Variants in TOP3B observed in about 807,000 individuals in gnomAD.
TOP3B encodes DNA topoisomerase 3-beta-1.
In TOP3B, 45 loss-of-function variants were observed where a neutral mutation model predicts 93.9. The ratio of observed to expected loss-of-function variants is 0.48; its 90% CI spans 0.38 to 0.61. The LOEUF (loss-of-function observed/expected upper bound fraction) is 0.61, where lower values mean the gene tolerates loss of function less well. Ranked by LOEUF, TOP3B falls within the 20% of genes least tolerant of loss-of-function variation. The pLI, the probability that TOP3B is intolerant of heterozygous loss-of-function variation, is 0.00. For synonymous variants in TOP3B, 357 were observed against 472.6 expected, an observed-to-expected ratio of 0.76 and a Z score of 3.17; for missense variants, 750 against 1,156.1, an observed-to-expected ratio of 0.65 and a Z score of 5.09.
At chr22:21,975,348 G>A in intron 2 of TOP3B, 2 of 294,010 alleles carry the variant, frequency 6.8e-6, no homozygotes, top group Non-Finnish European at 1.3e-5. Flanking sequence ...TCCTTCCAGG[G>A]CTGGTTTCTA....
At chr22:21,976,825 G>C (rs910058244) in intron 1 of TOP3B, 1 of 151,850 alleles carries the variant, frequency 6.6e-6, no homozygotes, top group East Asian at 1.9e-4. Flanking sequence ...TAGCACTGAT[G>C]TTTATAAACA....
chr22:21,958,215 C>T (rs1336217660), intron 17 of TOP3B: 1 of 1,321,346 alleles, frequency 7.6e-7, no homozygotes, highest in African/African-American at 1.5e-5. Context: ...CATCCTCTTG[C>T]TCACTCAGCT....
intron 2 of TOP3B, chr22:21,975,400 A>G (rs1197651234): frequency 1.6e-5 from 7 of 443,186 alleles, no homozygotes; most frequent in Non-Finnish European, 2.4e-5. Context: ...GCATATGGAT[A>G]ATGACTGTCC....
rs2071674439 is a variant in TOP3B, at chr22:21,972,360, C to T, written c.309+252G>A. ...TGTTTTAAAATTAAGGAGAAAAACC[C>T]CCCGACCAAACAAGCTATTTTAAAA... On this transcript the variant is annotated intron_variant, in intron 4 of 17. Coordinates refer to ENST00000357179, the MANE Select transcript of TOP3B (RefSeq NM_001282112.2). 14 of 476,050 alleles carry T rather than the reference C, an allele frequency of 2.9e-5. No homozygotes were observed. The South Asian group carries it at 5.0e-4, about 17-fold the overall frequency. 29.5% of individuals were successfully genotyped at this position (476,050 alleles called of 1,614,324 possible).
intron 17 of TOP3B, chr22:21,957,827 C>G (rs2070986605): frequency 2.0e-6 from 3 of 1,532,700 alleles, no homozygotes; most frequent in East Asian, 4.9e-5. Flanking sequence ...GGCACCATCC[C>G]AGTGGGTTTC....
intron 15 of TOP3B, 32 bp from the exon 16 acceptor site, chr22:21,959,264 C>A (rs760648357): frequency 1.2e-6 from 2 of 1,607,868 alleles, no homozygotes; most frequent in South Asian, 1.1e-5. Flanking sequence ...GAGTCATCTC[C>A]CTCCCAGTCC....
intron 1 of TOP3B, among the ~76,000 whole-genome samples, chr22:21,978,437 C>T (rs1382953172): frequency 6.6e-6 from 1 of 152,176 alleles, no homozygotes; most frequent in East Asian, 1.9e-4. Flanking sequence ...AGGAACAACC[C>T]ATGGCTTTGG....
chr22:21,972,208 A>G, intron 4 of TOP3B: 1 of 503,072 alleles, frequency 2.0e-6, no homozygotes. Flanking sequence ...AAAACTGCCC[A>G]GAAGAAGGGT....
Position 21,959,151 on chromosome 22 carries a change from C to A in TOP3B, c.1886G>T (p.Arg629Leu). 2 of 1,613,828 alleles carry A rather than the reference C, an allele frequency of 1.2e-6. No individual in the cohort carries two copies. The highest frequency in any genetic ancestry group is 1.7e-6 in the Non-Finnish European group (2 of 1,180,000). Residue 629 changes from arginine (R) to leucine (L), a missense_variant, in exon 16 of 18, where the codon CGC becomes CTC. Arg to Leu is a moderately radical substitution (Grantham distance 102, BLOSUM62 -2). This residue lies in a region of TOP3B where 737 missense variants were observed against 933.7 expected (regional missense o/e 0.79). Transcript: ENST00000357179. ...ACCTACCTGGATGTACTTCATGAAG[C>A]GGTGGCACTTCCCACAGCGTGAGAG... ...KPLSRCGKCH[R>L]FMKYIQAKPS...
Position 21,958,594 on chromosome 22 carries a change from C to T in TOP3B, c.2005G>A (p.Asp669Asn), listed in dbSNP as rs758397988. The change falls in exon 17 of 18, where the codon GAT becomes AAT. Residue 669 changes from aspartate (D) to asparagine (N), a missense_variant. This residue lies in a region of TOP3B where 737 missense variants were observed against 933.7 expected (regional missense o/e 0.79). Coordinates refer to ENST00000357179, the MANE Select transcript of TOP3B (RefSeq NM_001282112.2). ...KLYKELRCPL[D>N]DFELVLWSSG... ...GACCACAGGACCAGCTCGAAGTCAT[C>T]CAGAGGGCAGCGGAGCTCCTTGTAG... The T allele has an allele frequency of 1.9e-6, 3 of 1,614,106 alleles. No individual in the cohort carries two copies. The highest frequency in any genetic ancestry group is 3.3e-5 in the Admixed American group (2 of 60,008).
chr22:21,957,943 C>A (rs58966041), intron 17 of TOP3B: 4 of 1,391,464 alleles, frequency 2.9e-6, no homozygotes, highest in African/African-American at 1.5e-5. Flanking sequence ...GCTACTCTGG[C>A]GGCAGCAGGA....
rs756124503 is a variant in TOP3B at position 21,958,484 on chromosome 22, G to A, written c.2107+8C>T. ...TACCTGTGGACAGGAGGGAGTGGCT[G>A]CACTCACCTTTCTTCATGTCTCGGA... is the stretch of plus-strand genomic sequence containing the variant. On this transcript the variant is annotated splice_region_variant and intron_variant, in intron 17 of 17. Transcript: ENST00000357179. 101 of 1,613,934 alleles carry A rather than the reference G, an allele frequency of 6.3e-5. No individual in the cohort carries two copies. In the South Asian group the frequency reaches 1.0e-3, roughly 16 times the overall value.
At chr22:21,968,159 C>T (rs2071490301) in intron 7 of TOP3B, 2 of 229,692 alleles carry the variant, frequency 8.7e-6, no homozygotes, top group Non-Finnish European at 1.7e-5. Flanking sequence ...GACTCCTGGC[C>T]TCAAGCAATC....
intron 9 of TOP3B, chr22:21,964,705 G>A (rs1000349414): frequency 4.2e-5 from 10 of 238,264 alleles, no homozygotes; most frequent in Non-Finnish European, 6.6e-5. Flanking sequence ...GAGTTAGCAC[G>A]CAGCCCCATT....
intron 1 of TOP3B, among the ~76,000 whole-genome samples, chr22:21,980,133 G>A (rs75107318): frequency 0.04 from 6,126 of 152,182 alleles, 164 homozygotes; most frequent in Non-Finnish European, 0.058. Flanking sequence ...GTGTGCACAC[G>A]TGTGCACTTG....
At chr22:21,975,599 C>T (rs371452657) in intron 2 of TOP3B, 41 bp downstream of exon 2, 56 of 1,562,394 alleles carry the variant, frequency 3.6e-5, no homozygotes, top group East Asian at 1.6e-4. Context: ...AACACATAAA[C>T]GACCGTGCTT....
intron 13 of TOP3B, 166 bp downstream of exon 13, chr22:21,962,263 T>A (rs2071214790): frequency 1.3e-6 from 2 of 1,579,720 alleles, no homozygotes; most frequent in Admixed American, 3.4e-5. Flanking sequence ...ATGCCCGCTG[T>A]GGACCTGCCT....
At chr22:21,958,214 G>C in intron 17 of TOP3B, 1 of 1,319,522 alleles carries the variant, frequency 7.6e-7, no homozygotes, top group Non-Finnish European at 9.8e-7. Context: ...GCATCCTCTT[G>C]CTCACTCAGC....
At position 21,970,873 on chromosome 22, in the gene TOP3B, G is replaced by GAAGGGGAA. The variant is rs2071609387; in HGVS notation, c.385-475_385-468dup. ...AAAAGACAGGGAAGGAAAAAAGAAT[G>GAAGGGGAA]AAGGGGAAAGGAAATGGGCAAGAGC... On this transcript the variant is annotated intron_variant, in intron 5 of 17. Coordinates refer to ENST00000357179, the MANE Select transcript of TOP3B (RefSeq NM_001282112.2). This position sits in a 1 kb window ranked among gnomAD's most constrained non-coding sequence, Gnocchi z 4.4. 1 of 535,178 alleles carries GAAGGGGAA rather than the reference G, an allele frequency of 1.9e-6. No individual in the cohort carries two copies. Among genetic ancestry groups the GAAGGGGAA allele is most frequent in the African/African-American group, 2.0e-5 (1 of 50,274 alleles). The allele number at this position is 535,178 out of a possible 1,614,324, so 33.2% of individuals were successfully genotyped here.
Sources: allele counts gnomAD v4.1 joint callset (sites outside exome capture counted in the v4.1 genomes callset), GRCh38; gene constraint gnomAD v4.1.1; regional missense constraint gnomAD v4.1.1; non-coding constraint Gnocchi (gnomAD v3.1); transcripts MANE v1.5; gene names NCBI Gene and HGNC (gene_info 2026-07-23, HGNC 2026-07-21).